ZDHHC2: variants seen among roughly 807,000 people sequenced by gnomAD.
ZDHHC2 encodes zDHHC palmitoyltransferase 2, also known as palmitoyltransferase ZDHHC2.
In ZDHHC2, 51 loss-of-function variants were observed where a neutral mutation model predicts 55.6. That is an observed-to-expected ratio of 0.92 (90% CI 0.73 to 1.16). ZDHHC2 has a LOEUF of 1.16. Ranked by LOEUF, ZDHHC2 falls within the 50% of genes most tolerant of loss-of-function variation. The probability of loss-of-function intolerance (pLI) is 0.00; values close to 1 mark genes in which losing one functional copy is unlikely to be tolerated. For synonymous variants in ZDHHC2, 199 were observed against 152.9 expected (o/e 1.30, Z -2.22); for missense variants, 491 against 442.4 (o/e 1.11, Z -0.99).
At chr8:17,186,308 T>C in intron 2 of ZDHHC2, 23 bp from the exon 3 acceptor site, 1 of 1,473,274 alleles carries the variant, frequency 6.8e-7, no homozygotes, top group Non-Finnish European at 9.3e-7. Flanking sequence ...ATTATAATGA[T>C]AATTATGTTT....
intron 1 of ZDHHC2, among the ~76,000 whole-genome samples, chr8:17,182,373 T>C (rs1239018210): frequency 6.6e-6 from 1 of 152,086 alleles, no homozygotes; most frequent in Admixed American, 6.5e-5. Flanking sequence ...ACTGCACTAA[T>C]AATAAGGGAA....
Position 17,156,609 on chromosome 8 carries a change from G to A in ZDHHC2, c.-115G>A, listed in dbSNP as rs1444011185. On this transcript the variant is annotated 5_prime_UTR_variant, in exon 1 of 13. Coordinates refer to ENST00000262096, the MANE Select transcript of ZDHHC2 (RefSeq NM_016353.5). ...CCACGGCGGCGGCAGTGGCCGCAGC[G>A]CACCCCGCCGCCGCCCAGGAGCCCG... The A allele has an allele frequency of 3.6e-6, 3 of 830,896 alleles. No homozygotes were observed. In the African/African-American group the frequency reaches 5.6e-5, roughly 15 times the overall value. The allele number at this position is 830,896 out of a possible 1,614,324, so 51.5% of individuals were successfully genotyped here.
chr8:17,164,029 A>C (rs1273415001), intron 1 of ZDHHC2, among the ~76,000 whole-genome samples: 2 of 152,178 alleles, frequency 1.3e-5, no homozygotes, highest in Non-Finnish European at 2.9e-5. Flanking sequence ...CGAAATTATC[A>C]AGGCAGGGGG....
chr8:17,167,972 C>A (rs1269164916), intron 1 of ZDHHC2, among the ~76,000 whole-genome samples: 1 of 152,100 alleles, frequency 6.6e-6, no homozygotes, highest in African/African-American at 2.4e-5. Context: ...AAAATTGTTA[C>A]CCTTTTTAGA....
At chr8:17,207,775 G>T (rs183250923) in intron 7 of ZDHHC2, among the ~76,000 whole-genome samples, 185 bp from the exon 8 acceptor site, 1 of 150,570 alleles carries the variant, frequency 6.6e-6, no homozygotes, top group Non-Finnish European at 1.5e-5. Context: ...TCATATTCTC[G>T]TAAACTTTTA....
At chr8:17,212,869 G>C (rs1046626650) in intron 10 of ZDHHC2, among the ~76,000 whole-genome samples, 1 of 151,692 alleles carries the variant, frequency 6.6e-6, no homozygotes, top group Middle Eastern at 3.4e-3. Context: ...TAATGTCTCT[G>C]TTATAATAAA....
chr8:17,208,574 A>G (rs2150942919), intron 8 of ZDHHC2, among the ~76,000 whole-genome samples: 1 of 152,220 alleles, frequency 6.6e-6, no homozygotes, highest in Non-Finnish European at 1.5e-5. Flanking sequence ...ATGATCATAA[A>G]GGACACTCCA....
intron 3 of ZDHHC2, among the ~76,000 whole-genome samples, chr8:17,186,866 G>A (rs1805738494): frequency 6.6e-6 from 1 of 152,310 alleles, no homozygotes; most frequent in South Asian, 2.1e-4. Flanking sequence ...ACAGCTTCCA[G>A]GTGCCCACAC....
rs368497561 is a variant in ZDHHC2 at position 17,186,283 on chromosome 8, A to G, written c.158-48A>G. On this transcript the variant is annotated intron_variant, in intron 2 of 12. Transcript: ENST00000262096. The stretch of plus-strand genomic sequence containing the variant: ...GATCGGTTGTGACTGTCATAATTTT[A>G]GTATGTATTTGCATATTATAATGAT... The G allele has an allele frequency of 2.5e-6, 3 of 1,220,780 alleles. No individual in the cohort carries two copies. In the African/African-American group the frequency reaches 4.6e-5, roughly 19 times the overall value. The allele number at this position is 1,220,780 out of a possible 1,614,324, so 75.6% of individuals were successfully genotyped here.
chr8:17,165,576 C>T (rs563998480), intron 1 of ZDHHC2, among the ~76,000 whole-genome samples: 5 of 152,260 alleles, frequency 3.3e-5, no homozygotes, highest in South Asian at 2.1e-4. Context: ...GCATTTTAAC[C>T]GTCCATAATT....
chr8:17,198,296 A>C, intron 5 of ZDHHC2, 85 bp from the exon 6 acceptor site: 1 of 1,300,522 alleles, frequency 7.7e-7, no homozygotes, highest in Non-Finnish European at 1.0e-6. Flanking sequence ...CAGCTGTTTG[A>C]ACTAACCATA....
intron 1 of ZDHHC2, among the ~76,000 whole-genome samples, chr8:17,172,912 G>C (rs1335506197): frequency 6.6e-6 from 1 of 152,194 alleles, no homozygotes; most frequent in East Asian, 1.9e-4. Flanking sequence ...GGGATGGTTA[G>C]GAAAGTCCAT....
At chr8:17,185,387 T>G (rs1490905978) in intron 2 of ZDHHC2, among the ~76,000 whole-genome samples, 1 of 152,138 alleles carries the variant, frequency 6.6e-6, no homozygotes. Context: ...CCGGGCACAG[T>G]GGCTCATGCC....
chr8:17,205,819 A>G (rs772667402), intron 7 of ZDHHC2, 44 bp downstream of exon 7: 1 of 1,547,150 alleles, frequency 6.5e-7, no homozygotes, highest in Admixed American at 2.1e-5. Context: ...ATACAATAAT[A>G]GATAATATAG....
At chr8:17,177,219 G>C (rs573228657) in intron 1 of ZDHHC2, among the ~76,000 whole-genome samples, 2 of 152,256 alleles carry the variant, frequency 1.3e-5, no homozygotes, top group East Asian at 3.9e-4. Context: ...GGAGGGTGTT[G>C]GTGACCTTGA....
At chr8:17,215,900 G>A (rs748673919) in intron 11 of ZDHHC2, among the ~76,000 whole-genome samples, 1 of 152,154 alleles carries the variant, frequency 6.6e-6, no homozygotes, top group Non-Finnish European at 1.5e-5. Flanking sequence ...AACAAGCAAG[G>A]CTCCGAAGTC....
chr8:17,210,607 G>C, intron 10 of ZDHHC2, 127 bp downstream of exon 10: 3 of 696,204 alleles, frequency 4.3e-6, no homozygotes, highest in Non-Finnish European at 6.9e-6. Flanking sequence ...GTTTCCACTT[G>C]AAATGAGGGA....
At chr8:17,172,409 G>A (rs908325077) in intron 1 of ZDHHC2, among the ~76,000 whole-genome samples, 1 of 152,176 alleles carries the variant, frequency 6.6e-6, no homozygotes, top group Non-Finnish European at 1.5e-5. Flanking sequence ...ACCGTTTGGT[G>A]GTTGCCAGGG....
intron 12 of ZDHHC2, 136 bp downstream of exon 12, chr8:17,217,382 G>A (rs1243941978): frequency 3.1e-6 from 2 of 640,140 alleles, no homozygotes; most frequent in Non-Finnish European, 2.6e-6. Flanking sequence ...TTGTGAGATT[G>A]CATTAGCCAT....
Sources: gnomAD v4.1 joint callset for allele counts (sites outside exome capture counted in the v4.1 genomes callset) on GRCh38, gnomAD v4.1.1 for gene constraint, MANE v1.5 for transcripts, NCBI Gene and HGNC (gene_info 2026-07-23, HGNC 2026-07-21) for gene names.